Variants in HPCAL1 observed in about 807,000 individuals in gnomAD.
HPCAL1 encodes the protein hippocalcin like 1.
A neutral mutation model predicts 17.1 loss-of-function variants in HPCAL1; 8 were observed. The ratio of observed to expected loss-of-function variants is 0.47; its 90% confidence interval spans 0.27 to 0.84. The LOEUF is 0.84. Among genes scored for constraint, HPCAL1 ranks in the 40% least tolerant of loss-of-function variants. HPCAL1 has a pLI of 0.13. For synonymous variants in HPCAL1, 112 were observed against 111.4 expected (o/e 1.01, Z -0.03); for missense variants, 165 against 271.1 (o/e 0.61, Z 2.75).
rs899972821 is a variant in HPCAL1 at position 10,310,240 on chromosome 2, G to A, written c.-111+7063G>A. 1.1e-4 allele frequency among the ~76,000 whole-genome samples: 17 copies of A among 152,176 alleles called. No homozygotes were observed. The highest frequency in any genetic ancestry group is 2.2e-4 in the Non-Finnish European group (15 of 68,026). ...GAGTCTGTTTGGTCATGTGCAGAAAGGGGTTCTAGGCGCAGCTCAGACGTA... is the reference window on the plus strand; with the variant it reads ...GAGTCTGTTTGGTCATGTGCAGAAAAGGGTTCTAGGCGCAGCTCAGACGTA... On this transcript the variant is annotated intron_variant, in intron 1 of 4. Coordinates refer to ENST00000307845, the MANE Select transcript of HPCAL1 (RefSeq NM_002149.4). The surrounding 1 kb of genome is among the most constrained non-coding windows in gnomAD (Gnocchi z 4.5).
chr2:10,388,678 A>C (rs1668485750), intron 1 of HPCAL1, among the ~76,000 whole-genome samples: 1 of 152,178 alleles, frequency 6.6e-6, no homozygotes, highest in Admixed American at 6.5e-5. Context: ...CTTAAAATGA[A>C]ATATAAACTC....
In HPCAL1 at chr2:10,375,313, C is replaced by T. The variant is rs190554624; in HGVS notation, c.-110-21522C>T. On this transcript the variant is annotated intron_variant, in intron 1 of 4. Transcript: ENST00000307845. ...CCACTTAGCAACACTTTGTTCTTAC[C>T]TAGAATTCACCAGGCAGGACAGGGC... Among the ~76,000 whole-genome samples, 6 of 152,218 alleles carry T rather than the reference C, an allele frequency of 3.9e-5. No homozygotes were observed. The East Asian group carries it at 7.7e-4, about 20-fold the overall frequency.
intron 1 of HPCAL1, among the ~76,000 whole-genome samples, chr2:10,349,212 C>T (rs1665666416): frequency 6.6e-6 from 1 of 152,100 alleles, no homozygotes; most frequent in African/African-American, 2.4e-5. Flanking sequence ...TACTTGTTCT[C>T]TACCATAAAA....
chr2:10,329,145 C>A (rs1664196725), intron 1 of HPCAL1, among the ~76,000 whole-genome samples: 2 of 152,120 alleles, frequency 1.3e-5, no homozygotes, highest in Non-Finnish European at 2.9e-5. Flanking sequence ...GGTTCTTATG[C>A]ACCTAGAATT....
intron 1 of HPCAL1, among the ~76,000 whole-genome samples, chr2:10,347,884 C>T (rs376361543): frequency 3.9e-5 from 6 of 152,090 alleles, no homozygotes; most frequent in Admixed American, 2.6e-4. Flanking sequence ...GAAAATGCAG[C>T]GTGGGAATGG....
intron 2 of HPCAL1, among the ~76,000 whole-genome samples, chr2:10,398,974 G>T (rs1669244491): frequency 6.6e-6 from 1 of 152,030 alleles, no homozygotes; most frequent in Non-Finnish European, 1.5e-5. Context: ...GAACATCTGG[G>T]TCCGTGTTAC....
rs796198647 is a variant in HPCAL1, at chr2:10,307,009, C to T, written c.-111+3832C>T. 9.2e-5 allele frequency among the ~76,000 whole-genome samples: 14 copies of T among 152,126 alleles called. No individual in the cohort carries two copies. The South Asian group carries it at 1.2e-3, about 14-fold the overall frequency. On this transcript the variant is annotated intron_variant, in intron 1 of 4. Transcript: ENST00000307845. Reference sequence around the variant, plus strand: ...AGTGCACCCTGAATGCTTCTAATCCCGCAGCTGGGTTGTCTGGGTATTTGG... The same window carrying T: ...AGTGCACCCTGAATGCTTCTAATCCTGCAGCTGGGTTGTCTGGGTATTTGG...
At chr2:10,390,247 G>T (rs868363192) in intron 1 of HPCAL1, among the ~76,000 whole-genome samples, 13 of 152,172 alleles carry the variant, frequency 8.5e-5, no homozygotes, top group African/African-American at 2.9e-4. Context: ...TCCACCCTGT[G>T]CTCTGTGTCT....
chr2:10,395,931 A>G lies in HPCAL1; in HGVS notation c.-110-904A>G, dbSNP rs1257985925. On this transcript the variant is annotated intron_variant, in intron 1 of 4. Transcript: ENST00000307845. The surrounding 1 kb of genome is among the most constrained non-coding windows in gnomAD (Gnocchi z 4.4). ...TAGAGCTGTCGGCCTCAACACTGTT[A>G]ATACACATATGTACCAGAGGCTGCA... Among the ~76,000 whole-genome samples the G allele has an allele frequency of 6.6e-6, 1 of 152,206 alleles. No individual in the cohort carries two copies. Among genetic ancestry groups the G allele is most frequent in the East Asian group, 1.9e-4 (1 of 5,192 alleles).
In HPCAL1 at chr2:10,394,709, G is replaced by A. The variant is rs549600721; in HGVS notation, c.-110-2126G>A. ...TGCTCTGGCAGGGGATGTGGATCGT[G>A]GGGAAGGCTGTGGCCGGGAGTGGTG... is the stretch of plus-strand genomic sequence containing the variant. On this transcript the variant is annotated intron_variant, in intron 1 of 4. Coordinates refer to ENST00000307845, the MANE Select transcript of HPCAL1 (RefSeq NM_002149.4). This position sits in a 1 kb window ranked among gnomAD's most constrained non-coding sequence, Gnocchi z 5.0. 5.9e-5 allele frequency among the ~76,000 whole-genome samples: 9 copies of A among 152,328 alleles called. No homozygotes were observed. Among genetic ancestry groups the A allele is most frequent in the African/African-American group, 1.9e-4 (8 of 41,576 alleles).
intron 1 of HPCAL1, among the ~76,000 whole-genome samples, chr2:10,306,048 T>G (rs1395152845): frequency 6.6e-6 from 1 of 152,210 alleles, no homozygotes; most frequent in Non-Finnish European, 1.5e-5. Flanking sequence ...AGACCCTTTT[T>G]GCTACTCATA....
intron 2 of HPCAL1, among the ~76,000 whole-genome samples, chr2:10,399,051 C>T (rs549404014): frequency 5.8e-4 from 88 of 151,832 alleles, no homozygotes; most frequent in South Asian, 2.5e-3. Context: ...ACAGGGGAGG[C>T]GCCTGGCCCG....
chr2:10,418,871 A>C (rs1209063545), intron 2 of HPCAL1, among the ~76,000 whole-genome samples: 1 of 152,050 alleles, frequency 6.6e-6, no homozygotes, highest in Non-Finnish European at 1.5e-5. Flanking sequence ...GCCTAGAGCT[A>C]ATTCCAGATC....
intron 1 of HPCAL1, among the ~76,000 whole-genome samples, chr2:10,312,322 T>TATC (rs771220308): frequency 2.1e-4 from 3 of 14,072 alleles, no homozygotes; most frequent in African/African-American, 1.8e-3. Context: ...ATCATCATCA[T>TATC]ATCATCATCA....
chr2:10,313,000 T>C (rs187599996), intron 1 of HPCAL1, among the ~76,000 whole-genome samples: 1 of 152,292 alleles, frequency 6.6e-6, no homozygotes, highest in East Asian at 1.9e-4. Flanking sequence ...GGCACATTCC[T>C]GGTGAGTTAG....
intron 1 of HPCAL1, among the ~76,000 whole-genome samples, chr2:10,380,560 G>T (rs968402522): frequency 5.9e-5 from 9 of 152,210 alleles, no homozygotes; most frequent in Non-Finnish European, 1.0e-4. Flanking sequence ...TCCACAGAGG[G>T]CCACCTTCCT....
intron 2 of HPCAL1, among the ~76,000 whole-genome samples, chr2:10,398,185 G>A (rs1400663905): frequency 6.6e-6 from 1 of 152,188 alleles, no homozygotes; most frequent in Non-Finnish European, 1.5e-5. Flanking sequence ...GGGACACCTG[G>A]GGGAGGGACA....
rs1665202980 is a variant in HPCAL1 at position 10,343,200 on chromosome 2, C to T, written c.-111+40023C>T. 6.6e-6 allele frequency among the ~76,000 whole-genome samples: 1 copy of T among 152,160 alleles called. No homozygotes were observed. The highest frequency in any genetic ancestry group is 2.1e-4 in the South Asian group (1 of 4,832). On this transcript the variant is annotated intron_variant, in intron 1 of 4. Transcript: ENST00000307845. This position sits in a 1 kb window ranked among gnomAD's most constrained non-coding sequence, Gnocchi z 4.8. ...GGTAGTTGGTAAATAGCCCCATCAC[C>T]CCTCTCCTGGGACCCTGGACCTCTA...
chr2:10,383,003 C>T lies in HPCAL1; in HGVS notation c.-110-13832C>T, dbSNP rs544017521. On this transcript the variant is annotated intron_variant, in intron 1 of 4. Coordinates refer to ENST00000307845, the MANE Select transcript of HPCAL1 (RefSeq NM_002149.4). ...CAGTGGTGTGCGGGACACCCTGCAG[C>T]ACCTTTGACTCCTCCTCTGGGAATG... is the stretch of plus-strand genomic sequence containing the variant. Among the ~76,000 whole-genome samples, 21 of 152,310 alleles carry T rather than the reference C, an allele frequency of 1.4e-4. 1 individual carries two copies. The South Asian group carries it at 4.4e-3, about 32-fold the overall frequency.
Sources: gnomAD v4.1 joint callset for allele counts (sites outside exome capture counted in the v4.1 genomes callset) on GRCh38, gnomAD v4.1.1 for gene constraint, Gnocchi (gnomAD v3.1) non-coding constraint, MANE v1.5 for transcripts, NCBI Gene and HGNC (gene_info 2026-07-23, HGNC 2026-07-21) for gene names.